Variants in SPRED2 observed in about 807,000 individuals in gnomAD.
The protein encoded by SPRED2 is sprouty related EVH1 domain containing 2, also known as sprouty-related, EVH1 domain-containing protein 2.
SPRED2 carries 47 observed loss-of-function variants against 43.0 expected under a neutral mutation model. The ratio of observed to expected loss-of-function variants is 1.09; its 90% CI spans 0.87 to 1.40. The LOEUF is 1.40. Ranked by LOEUF, SPRED2 falls within the 40% of genes most tolerant of loss-of-function variation. The pLI is 0.00. For missense variants in SPRED2, 561 were observed against 586.4 expected (o/e 0.96, Z 0.45); for synonymous variants, 225 against 225.7 (o/e 1.00, Z 0.03).
chr2:65,359,934 G>T (rs1674754742), intron 1 of SPRED2, among the ~76,000 whole-genome samples: 1 of 151,682 alleles, frequency 6.6e-6, no homozygotes, highest in Admixed American at 6.6e-5. Context: ...GTGTGGTTCT[G>T]TGTGCCTGTA....
intron 1 of SPRED2, among the ~76,000 whole-genome samples, chr2:65,349,152 C>T (rs4671659): frequency 0.27 from 40,845 of 151,834 alleles, 6,865 homozygotes; most frequent in East Asian, 0.7. Context: ...ACTAAAAGTA[C>T]AAAAATTAGC....
At chr2:65,322,229 CCTCTCTCTCTCTCTCTCT>C (rs71905140) in intron 4 of SPRED2, among the ~76,000 whole-genome samples, 953 of 61,294 alleles carry the variant, frequency 0.016, 10 homozygotes, top group Non-Finnish European at 0.021. Flanking sequence ...GGTCTCCTTT[CCTCTCTCTCTCTCTCTCT>C]CTCTCTCTCT....
chr2:65,353,121 C>T (rs1674556409), intron 1 of SPRED2, among the ~76,000 whole-genome samples: 1 of 152,046 alleles, frequency 6.6e-6, no homozygotes, highest in South Asian at 2.1e-4. Context: ...AGCTAAAAGC[C>T]AGGGGTCCTG....
intron 5 of SPRED2, among the ~76,000 whole-genome samples, chr2:65,315,378 A>C (rs4671656): frequency 0.78 from 118,603 of 152,070 alleles, 46,579 homozygotes; most frequent in South Asian, 0.86. Context: ...GCACTTGATA[A>C]CTCTCGCCAT....
At chr2:65,366,301 T>TC (rs1674973367) in intron 1 of SPRED2, among the ~76,000 whole-genome samples, 1 of 82,780 alleles carries the variant, frequency 1.2e-5, no homozygotes, top group African/African-American at 4.8e-5. Context: ...GACTTAATAA[T>TC]AAAAAACAAC....
chr2:65,324,259 A>G (rs765540241), intron 4 of SPRED2, among the ~76,000 whole-genome samples: 35 of 152,204 alleles, frequency 2.3e-4, no homozygotes, highest in Non-Finnish European at 3.8e-4. Context: ...GAGTTTGATG[A>G]CAAATGAGAG....
At chr2:65,352,492 G>A (rs1674540085) in intron 1 of SPRED2, among the ~76,000 whole-genome samples, 2 of 152,232 alleles carry the variant, frequency 1.3e-5, no homozygotes, top group African/African-American at 4.8e-5. Flanking sequence ...TATGCTCTAT[G>A]TTTATCAAGA....
chr2:65,339,800 A>G (rs867456325), intron 2 of SPRED2, among the ~76,000 whole-genome samples: 20 of 152,120 alleles, frequency 1.3e-4, no homozygotes, highest in African/African-American at 3.6e-4. Context: ...TGAAAGGTCC[A>G]TTGATAGATT....
At chr2:65,368,052 C>T (rs980025321) in intron 1 of SPRED2, among the ~76,000 whole-genome samples, 1 of 152,120 alleles carries the variant, frequency 6.6e-6, no homozygotes, top group Non-Finnish European at 1.5e-5. Context: ...CATATTGATG[C>T]GCTGTGAAAA....
At chr2:65,399,422 G>A (rs79717897) in intron 1 of SPRED2, among the ~76,000 whole-genome samples, 7 of 131,210 alleles carry the variant, frequency 5.3e-5, no homozygotes, top group Admixed American at 2.3e-4. Context: ...TCTCTCTGTC[G>A]CCCAGGCTGG....
chr2:65,348,735 C>G (rs1279150933), intron 1 of SPRED2, among the ~76,000 whole-genome samples: 1 of 150,150 alleles, frequency 6.7e-6, no homozygotes, highest in Non-Finnish European at 1.5e-5. Context: ...ACCCCAGAGG[C>G]AGAGCTGAGA....
chr2:65,402,804 T>A (rs1042783781), intron 1 of SPRED2, among the ~76,000 whole-genome samples: 1 of 152,218 alleles, frequency 6.6e-6, no homozygotes, highest in Non-Finnish European at 1.5e-5. Context: ...AATTCAGAAA[T>A]TTTTAAAATC....
chr2:65,366,788 G>C, intron 1 of SPRED2: 1 of 1,324,764 alleles, frequency 7.5e-7, no homozygotes, highest in Non-Finnish European at 9.6e-7. Flanking sequence ...TGAGTCATCC[G>C]AGGGTTAGTC....
chr2:65,415,995 A>AAG (rs1056029453), intron 1 of SPRED2, among the ~76,000 whole-genome samples: 3 of 152,222 alleles, frequency 2.0e-5, no homozygotes, highest in African/African-American at 7.2e-5. Context: ...TAATAGGCAG[A>AAG]AGAGAGAGAG....
chr2:65,316,835 T>C lies in SPRED2; in HGVS notation c.487A>G (p.Thr163Ala). The change falls in exon 5 of 6, where the codon ACT (threonine) becomes GCT (alanine). Residue 163 changes from threonine to alanine, a missense_variant. Thr to Ala is a moderately conservative substitution (Grantham distance 58, BLOSUM62 0). Around this residue, in one of 6 missense-constraint regions of SPRED2, gnomAD observed 305 missense variants for 282.4 expected, o/e 1.08. Transcript: ENST00000356388. Reference sequence around the variant, plus strand: ...GATGTGGGAGAGGAGATTGTCCGAGTAGGTTGCTCTCTCTTCTGAGAGGAA... The same window carrying C: ...GATGTGGGAGAGGAGATTGTCCGAGCAGGTTGCTCTCTCTTCTGAGAGGAA... Reference protein sequence around the residue: ...SNSSQKREQPTRTISSPTSCE... With the variant: ...SNSSQKREQPARTISSPTSCE... The C allele has an allele frequency of 6.2e-7, 1 of 1,613,828 alleles. No homozygotes were observed. Among genetic ancestry groups the C allele is most frequent in the Non-Finnish European group, 8.5e-7 (1 of 1,179,958 alleles).
At chr2:65,347,051 T>C (rs72822464) in intron 1 of SPRED2, among the ~76,000 whole-genome samples, 20,666 of 152,172 alleles carry the variant, frequency 0.14, 1,804 homozygotes, top group South Asian at 0.2. Context: ...TACCAATATC[T>C]GCACCACCTC....
At chr2:65,394,056 T>C (rs1055890598) in intron 1 of SPRED2, among the ~76,000 whole-genome samples, 2 of 152,086 alleles carry the variant, frequency 1.3e-5, no homozygotes, top group East Asian at 3.9e-4. Context: ...AGGAAAATTG[T>C]AACATTTCAA....
intron 1 of SPRED2, among the ~76,000 whole-genome samples, chr2:65,367,407 GCTGA>G (rs1463826010): frequency 1.3e-5 from 2 of 152,104 alleles, no homozygotes; most frequent in Non-Finnish European, 2.9e-5. Flanking sequence ...GTATATGCAG[GCTGA>G]CTGTATTTCT....
chr2:65,403,130 A>G (rs1485489684), intron 1 of SPRED2, among the ~76,000 whole-genome samples: 1 of 152,230 alleles, frequency 6.6e-6, no homozygotes, highest in Non-Finnish European at 1.5e-5. Context: ...TGAAACGTCC[A>G]AGCTCAGGAC....
Sources: allele counts gnomAD v4.1 joint callset (sites outside exome capture counted in the v4.1 genomes callset), GRCh38; gene constraint gnomAD v4.1.1; regional missense constraint gnomAD v4.1.1; transcripts MANE v1.5; gene names NCBI Gene and HGNC (gene_info 2026-07-23, HGNC 2026-07-21).